ADGRB1: variants seen among roughly 807,000 people sequenced by gnomAD.
ADGRB1 encodes the protein adhesion G protein-coupled receptor B1.
Under a neutral mutation model 175.7 loss-of-function variants are expected in ADGRB1, and 36 were observed. The ratio of observed to expected loss-of-function variants is 0.20; its 90% CI spans 0.16 to 0.27. The LOEUF is 0.27. Among genes scored for constraint, ADGRB1 ranks in the 10% least tolerant of loss-of-function variants. ADGRB1 has a pLI of 1.00. For synonymous variants in ADGRB1, 1,054 were observed against 979.4 expected, an observed-to-expected ratio of 1.08 and a Z score of -1.42; for missense variants, 1,731 against 2,255.3, an observed-to-expected ratio of 0.77 and a Z score of 4.71.
intron 2 of ADGRB1, among the ~76,000 whole-genome samples, chr8:142,470,946 G>T (rs2131736999): frequency 6.6e-6 from 1 of 152,302 alleles, no homozygotes; most frequent in Non-Finnish European, 1.5e-5. Context: ...AGGCCTGTCT[G>T]GGGTGTGCAG....
In ADGRB1 at chr8:142,482,413, C is replaced by T. The variant is rs185261125; in HGVS notation, c.2130+702C>T. Among the ~76,000 whole-genome samples, 4 of 150,176 alleles carry T rather than the reference C, an allele frequency of 2.7e-5. No individual in the cohort carries two copies. In the East Asian group the frequency reaches 8.0e-4, roughly 30 times the overall value. Reference sequence around the variant, plus strand: ...TTACACTCAGAACCCTGACACTGGTCACCCACTGAACCCTGACCTTGGTCA... The same window carrying T: ...TTACACTCAGAACCCTGACACTGGTTACCCACTGAACCCTGACCTTGGTCA... On this transcript the variant is annotated intron_variant, in intron 11 of 30. Coordinates refer to ENST00000517894, the MANE Select transcript of ADGRB1 (RefSeq NM_001702.3).
intron 13 of ADGRB1, among the ~76,000 whole-genome samples, chr8:142,486,674 G>A (rs952126125): frequency 9.2e-5 from 14 of 152,166 alleles, no homozygotes; most frequent in African/African-American, 2.9e-4. Flanking sequence ...AAGACGGATC[G>A]ACATTCTTAT....
intron 1 of ADGRB1, among the ~76,000 whole-genome samples, chr8:142,452,947 TG>T (rs1393918292): frequency 4.7e-5 from 7 of 147,588 alleles, no homozygotes; most frequent in Non-Finnish European, 1.1e-4. Context: ...CGCGCGGCCC[TG>T]CCCGCCCCTT....
At position 142,464,376 on chromosome 8, in the gene ADGRB1, G is replaced by C; in HGVS notation, c.178G>C (p.Val60Leu). Residue 60 changes from valine (V) to leucine (L), a missense_variant, in exon 2 of 31, where the codon GTG becomes CTG. By Grantham distance (32) the Val-to-Leu change is conservative. Transcript: ENST00000517894. Reference protein sequence around the residue: ...KFFGYFSAAAVFPANASRCSW... With the variant: ...KFFGYFSAAALFPANASRCSW... ...CTTCGGCTACTTCTCCGCGGCCGCCGTGTTCCCGGCCAACGCCTCGCGCTG... is the reference window on the plus strand; with the variant it reads ...CTTCGGCTACTTCTCCGCGGCCGCCCTGTTCCCGGCCAACGCCTCGCGCTG... 6.6e-7 allele frequency: 1 copy of C among 1,523,650 alleles called. No individual in the cohort carries two copies. The highest frequency in any genetic ancestry group is 8.8e-7 in the Non-Finnish European group (1 of 1,139,522). The allele number at this position is 1,523,650 out of a possible 1,614,324, so 94.4% of individuals were successfully genotyped here. A position where few individuals can be genotyped will look rare whatever the true frequency, so the allele number is the denominator to read the frequency against.
rs1254991892 is a variant in ADGRB1, at chr8:142,504,967, C to A, written c.2676-5965C>A. 6.6e-6 allele frequency among the ~76,000 whole-genome samples: 1 copy of A among 151,906 alleles called. No homozygotes were observed. The highest frequency in any genetic ancestry group is 2.4e-5 in the African/African-American group (1 of 41,298). The stretch of plus-strand genomic sequence containing the variant: ...TAGAGTGTGAATTAGCCCATCAAAT[C>A]CAAGGGGACCCCGACAGCGCACAGT... On this transcript the variant is annotated intron_variant, in intron 17 of 30. Transcript: ENST00000517894. This position sits in a 1 kb window ranked among gnomAD's most constrained non-coding sequence, Gnocchi z 5.6.
chr8:142,474,764 T>C lies in ADGRB1; in HGVS notation c.785-710T>C, dbSNP rs1009194828. Among the ~76,000 whole-genome samples the C allele has an allele frequency of 1.3e-5, 2 of 152,044 alleles. No homozygotes were observed. The highest frequency in any genetic ancestry group is 6.5e-5 in the Admixed American group (1 of 15,282). On this transcript the variant is annotated intron_variant, in intron 2 of 30. Transcript: ENST00000517894. This position sits in a 1 kb window ranked among gnomAD's most constrained non-coding sequence, Gnocchi z 5.8. The stretch of plus-strand genomic sequence containing the variant: ...ATGGAGAAAGACTCACTAGAGAAGC[T>C]GAACAGAGCGGCCGGGGTCAGGGCA...
chr8:142,466,549 C>T (rs1272034388), intron 2 of ADGRB1, among the ~76,000 whole-genome samples: 2 of 152,180 alleles, frequency 1.3e-5, no homozygotes, highest in Admixed American at 1.3e-4. Context: ...AGTGGTCATG[C>T]TGTGTCAGGA....
chr8:142,526,429 C>T (rs1336228962), intron 23 of ADGRB1, 113 bp from the exon 24 acceptor site: 1 of 969,202 alleles, frequency 1.0e-6, no homozygotes, highest in East Asian at 2.6e-5. Flanking sequence ...GGAGGTGACC[C>T]TGGGTGGGGT....
At chr8:142,508,933 A>G (rs1359400625) in intron 17 of ADGRB1, among the ~76,000 whole-genome samples, 1 of 152,254 alleles carries the variant, frequency 6.6e-6, no homozygotes, top group Non-Finnish European at 1.5e-5. Flanking sequence ...GCAGAACCTC[A>G]GGCCGGCTCC....
At chr8:142,487,160 C>T (rs112045610) in intron 13 of ADGRB1, among the ~76,000 whole-genome samples, 37 of 152,296 alleles carry the variant, frequency 2.4e-4, no homozygotes, top group African/African-American at 8.2e-4. Context: ...GCCCCTTACC[C>T]GGGCACACCT....
intron 17 of ADGRB1, among the ~76,000 whole-genome samples, chr8:142,498,330 G>C (rs1842323883): frequency 3.3e-5 from 5 of 152,228 alleles, no homozygotes; most frequent in Admixed American, 2.0e-4. Flanking sequence ...TGTTCAGGGA[G>C]TCTGAGTGTG....
At chr8:142,516,915 C>T (rs546190659) in intron 18 of ADGRB1, among the ~76,000 whole-genome samples, 3 of 152,306 alleles carry the variant, frequency 2.0e-5, no homozygotes, top group South Asian at 2.1e-4. Flanking sequence ...CAGCTTTGCA[C>T]GCCCTTCAGC....
rs770430118 is a variant in ADGRB1 at position 142,475,565 on chromosome 8, G to A, written c.876G>A (p.Pro292=). Residue 292 remains proline (P), a synonymous_variant, in exon 3 of 31, where the codon CCG becomes CCA. Coordinates refer to ENST00000517894, the MANE Select transcript of ADGRB1 (RefSeq NM_001702.3). ...QTRTRTCLPA[P]GVEGGGCEGV... ...GGACGCGCACCTGCCTGCCCGCGCC[G>A]GGCGTGGAGGGCGGCGGCTGCGAGG... The A allele has an allele frequency of 6.7e-4, 845 of 1,269,376 alleles. 1 individual carries two copies. Among genetic ancestry groups the A allele is most frequent in the Non-Finnish European group, 8.1e-4 (819 of 1,008,104 alleles). The allele number at this position is 1,269,376 out of a possible 1,614,324, so 78.6% of individuals were successfully genotyped here. A position where few individuals can be genotyped will look rare whatever the true frequency, so the allele number is the denominator to read the frequency against.
In ADGRB1 at chr8:142,450,061, G is replaced by T. The variant is rs1467274529; in HGVS notation, c.-263G>T. 1.3e-5 allele frequency: 2 copies of T among 149,686 alleles called. No individual in the cohort carries two copies. Among genetic ancestry groups the T allele is most frequent in the East Asian group, 2.0e-4 (1 of 4,984 alleles). The allele number at this position is 149,686 out of a possible 1,614,324, so 9.3% of individuals were successfully genotyped here. A position where few individuals can be genotyped will look rare whatever the true frequency, so the allele number is the denominator to read the frequency against. On this transcript the variant is annotated 5_prime_UTR_variant, in exon 1 of 31. Transcript: ENST00000517894. ...AGGCGCTCGCGGGGATTTGCAACTC[G>T]CCGGATCGAGTCCTCGCCGGCGGGG...
rs1203144637 is a variant in ADGRB1 at position 142,476,680 on chromosome 8, C to T, written c.1042C>T (p.Pro348Ser). 2 of 1,546,428 alleles carry T rather than the reference C, an allele frequency of 1.3e-6. No homozygotes were observed. The highest frequency in any genetic ancestry group is 2.0e-5 in the Admixed American group (1 of 50,872). The change falls in exon 4 of 31, where the codon CCA (proline) becomes TCA (serine). Residue 348 changes from proline (P) to serine (S), a missense_variant. Pro to Ser is a moderately conservative substitution (Grantham distance 74). Coordinates refer to ENST00000517894, the MANE Select transcript of ADGRB1 (RefSeq NM_001702.3). ...GGACGAGCTGCAGCAGTTTGGGTTC[C>T]CAGCCCCCCAGACCGGTGAGCTGGC... is the stretch of plus-strand genomic sequence containing the variant. Reference protein sequence around the residue: ...LGDELQQFGFPAPQTGDPAAE... With the variant: ...LGDELQQFGFSAPQTGDPAAE...
chr8:142,475,897 G>T, intron 3 of ADGRB1, among the ~76,000 whole-genome samples: 1 of 8,156 alleles, frequency 1.2e-4, no homozygotes, highest in Non-Finnish European at 3.2e-4. Flanking sequence ...ACCTAAACTC[G>T]GGGCTGGCCC....
Position 142,510,816 on chromosome 8 carries a change from C to T in ADGRB1, c.2676-116C>T, listed in dbSNP as rs1843057574. 7.6e-6 allele frequency: 3 copies of T among 396,148 alleles called. No homozygotes were observed. Among genetic ancestry groups the T allele is most frequent in the Non-Finnish European group, 1.0e-5 (3 of 295,534 alleles). 24.5% of individuals were successfully genotyped at this position (396,148 alleles called of 1,614,324 possible). A position where few individuals can be genotyped will look rare whatever the true frequency, so the allele number is the denominator to read the frequency against. ...CGCGGCTGCGGGCGCAGGTGCGGGG[C>T]GGCGGGCCGGGGCCGGGGCCGGGGC... On this transcript the variant is annotated intron_variant, in intron 17 of 30. Coordinates refer to ENST00000517894, the MANE Select transcript of ADGRB1 (RefSeq NM_001702.3). The surrounding 1 kb of genome is among the most constrained non-coding windows in gnomAD (Gnocchi z 6.3).
chr8:142,473,301 C>T (rs1017920723), intron 2 of ADGRB1, among the ~76,000 whole-genome samples: 3 of 152,204 alleles, frequency 2.0e-5, no homozygotes, highest in East Asian at 1.9e-4. Flanking sequence ...TTGTCAGGCC[C>T]GCCCCTTAGG....
At chr8:142,526,656 C>T in intron 24 of ADGRB1, 29 bp downstream of exon 24, 2 of 1,591,858 alleles carry the variant, frequency 1.3e-6, no homozygotes, top group Non-Finnish European at 1.7e-6. Context: ...GGCTCCTTGC[C>T]CACCCGGAGT....
Sources: allele counts gnomAD v4.1 joint callset (sites outside exome capture counted in the v4.1 genomes callset), GRCh38; gene constraint gnomAD v4.1.1; non-coding constraint Gnocchi (gnomAD v3.1); transcripts MANE v1.5; gene names NCBI Gene and HGNC (gene_info 2026-07-23, HGNC 2026-07-21).